The following CACHD1 variants were observed in gnomAD, a reference collection of about 807,000 sequenced individuals.
The protein encoded by CACHD1 is cache domain containing 1, also known as VWFA and cache domain-containing protein 1.
In CACHD1, 71 loss-of-function variants were observed where a neutral mutation model predicts 138.7. That is an observed-to-expected ratio of 0.51 (90% CI 0.42 to 0.62). The LOEUF (loss-of-function observed/expected upper bound fraction) is 0.62, where lower values mean the gene tolerates loss of function less well. Ranked by LOEUF, CACHD1 falls within the 20% of genes least tolerant of loss-of-function variation. The pLI, the probability that CACHD1 is intolerant of heterozygous loss-of-function variation, is 0.00. For synonymous variants in CACHD1, 578 were observed against 591.5 expected, an observed-to-expected ratio of 0.98 and a Z score of 0.33; for missense variants, 1,389 against 1,625.3, an observed-to-expected ratio of 0.85 and a Z score of 2.50.
intron 13 of CACHD1, among the ~76,000 whole-genome samples, chr1:64,659,218 T>C (rs538748019): frequency 6.6e-6 from 1 of 152,312 alleles, no homozygotes; most frequent in African/African-American, 2.4e-5. Context: ...GAGTGTAAAT[T>C]ACACCAATAG....
At chr1:64,603,106 T>C (rs918499919) in intron 4 of CACHD1, among the ~76,000 whole-genome samples, 194 bp downstream of exon 4, 1 of 141,840 alleles carries the variant, frequency 7.1e-6, no homozygotes, top group Non-Finnish European at 1.5e-5. Flanking sequence ...CATCTTTTTT[T>C]TTTTTTTTTT....
At position 64,622,135 on chromosome 1, in the gene CACHD1, G is replaced by A. The variant is rs1647934777; in HGVS notation, c.518-7220G>A. On this transcript the variant is annotated intron_variant, in intron 4 of 26. Transcript: ENST00000651257. ...CCTTATACTTGCTCAGGTTGACAGT[G>A]AAAAATAAAAGCCACCTAAGGCTCA... Among the ~76,000 whole-genome samples, 2 of 152,262 alleles carry A rather than the reference G, an allele frequency of 1.3e-5. 1 individual carries two copies.
intron 4 of CACHD1, among the ~76,000 whole-genome samples, chr1:64,616,433 C>G (rs965470431): frequency 6.6e-6 from 1 of 152,082 alleles, no homozygotes; most frequent in African/African-American, 2.4e-5. Flanking sequence ...AAGGTGAACC[C>G]TGGGCACTTG....
In CACHD1 at chr1:64,470,955, C is replaced by A. The variant is rs780167224; in HGVS notation, c.198+13C>A. 1.9e-6 allele frequency: 3 copies of A among 1,586,234 alleles called. No individual in the cohort carries two copies. The highest frequency in any genetic ancestry group is 2.3e-5 in the East Asian group (1 of 43,932). ...CGTCACCATGCAGGTAAGTGGCCCC[C>A]GAGCTGGCCAGACATCCCGCCTTTC... On this transcript the variant is annotated intron_variant, in intron 1 of 26. Transcript: ENST00000651257. This position sits in a 1 kb window ranked among gnomAD's most constrained non-coding sequence, Gnocchi z 5.2.
intron 2 of CACHD1, among the ~76,000 whole-genome samples, chr1:64,571,516 G>A (rs1420787215): frequency 6.6e-6 from 1 of 152,146 alleles, no homozygotes; most frequent in Non-Finnish European, 1.5e-5. Context: ...AGGTCATTGT[G>A]TCTCAAGATT....
intron 23 of CACHD1, among the ~76,000 whole-genome samples, chr1:64,679,165 T>G (rs1169347942): frequency 6.6e-6 from 1 of 152,196 alleles, no homozygotes; most frequent in Non-Finnish European, 1.5e-5. Context: ...AGGAAACCCA[T>G]AAGCTTCGAA....
chr1:64,659,309 T>C (rs1649367474), intron 13 of CACHD1, among the ~76,000 whole-genome samples: 1 of 151,844 alleles, frequency 6.6e-6, no homozygotes, highest in Non-Finnish European at 1.5e-5. Flanking sequence ...AGGTACAGAG[T>C]TTTCAGTAGC....
chr1:64,669,794 A>G (rs1157102293), intron 16 of CACHD1, among the ~76,000 whole-genome samples: 1 of 152,094 alleles, frequency 6.6e-6, no homozygotes, highest in Non-Finnish European at 1.5e-5. Flanking sequence ...TAGGCAATAT[A>G]CGTGCTGTTG....
At chr1:64,525,706 T>C (rs1429905872) in intron 1 of CACHD1, among the ~76,000 whole-genome samples, 1 of 152,198 alleles carries the variant, frequency 6.6e-6, no homozygotes, top group Admixed American at 6.5e-5. Flanking sequence ...TGGTTAGATT[T>C]CTCTATAGAC....
intron 1 of CACHD1, among the ~76,000 whole-genome samples, chr1:64,526,907 T>A (rs773142725): frequency 6.6e-6 from 1 of 152,164 alleles, no homozygotes; most frequent in Non-Finnish European, 1.5e-5. Flanking sequence ...TTTATTCCTC[T>A]AGGGAAAGGA....
chr1:64,644,735 C>G (rs531931687), intron 8 of CACHD1, among the ~76,000 whole-genome samples: 1 of 152,250 alleles, frequency 6.6e-6, no homozygotes, highest in South Asian at 2.1e-4. Context: ...ACACAATTAA[C>G]CTTACTTACA....
chr1:64,483,768 G>C (rs1646225048), intron 1 of CACHD1, among the ~76,000 whole-genome samples: 1 of 151,292 alleles, frequency 6.6e-6, no homozygotes, highest in South Asian at 2.1e-4. Flanking sequence ...CTCCCTAAAG[G>C]TTCTCATCTG....
intron 3 of CACHD1, among the ~76,000 whole-genome samples, chr1:64,583,857 A>T (rs1570390607): frequency 6.6e-6 from 1 of 151,970 alleles, no homozygotes; most frequent in South Asian, 2.1e-4. Context: ...GCACAGGAAA[A>T]CCCACCCACC....
chr1:64,628,368 G>A (rs376384158), intron 4 of CACHD1, among the ~76,000 whole-genome samples: 18 of 152,166 alleles, frequency 1.2e-4, no homozygotes, highest in East Asian at 9.6e-4. Context: ...TTTTGTGCTC[G>A]TCTTTGTATA....
chr1:64,504,801 G>A (rs1266954191), intron 1 of CACHD1, among the ~76,000 whole-genome samples: 3 of 152,066 alleles, frequency 2.0e-5, no homozygotes, highest in African/African-American at 7.2e-5. Flanking sequence ...GGACCTCCCT[G>A]CAACCCTTTT....
chr1:64,587,896 G>A (rs1173922398), intron 3 of CACHD1, among the ~76,000 whole-genome samples: 1 of 152,050 alleles, frequency 6.6e-6, no homozygotes, highest in Non-Finnish European at 1.5e-5. Flanking sequence ...TTTTAAATTT[G>A]TAAATTTTAA....
Position 64,470,525 on chromosome 1 carries a change from A to C in CACHD1, c.-220A>C, listed in dbSNP as rs1479908322. 2.0e-5 allele frequency among the ~76,000 whole-genome samples: 3 copies of C among 148,556 alleles called. No homozygotes were observed. The highest frequency in any genetic ancestry group is 3.0e-5 in the Non-Finnish European group (2 of 67,094). On this transcript the variant is annotated 5_prime_UTR_variant, in exon 1 of 27. Coordinates refer to ENST00000651257, the MANE Select transcript of CACHD1 (RefSeq NM_020925.4). The surrounding 1 kb of genome is among the most constrained non-coding windows in gnomAD (Gnocchi z 5.2). ...GGGACCGCTCGGGCGGCCGCCTCCT[A>C]CCCCCACCGCCGCGGAGCCCCGCGA...
At chr1:64,543,711 T>C (rs974313000) in intron 1 of CACHD1, among the ~76,000 whole-genome samples, 1 of 152,012 alleles carries the variant, frequency 6.6e-6, no homozygotes, top group African/African-American at 2.4e-5. Flanking sequence ...TTAAATAGTC[T>C]GGTAAAAATC....
chr1:64,491,364 A>G (rs1646273705), intron 1 of CACHD1, among the ~76,000 whole-genome samples: 1 of 152,118 alleles, frequency 6.6e-6, no homozygotes, highest in South Asian at 2.1e-4. Flanking sequence ...AACAAGTTTA[A>G]TTGACTCACA....
Sources: allele counts gnomAD v4.1 joint callset (sites outside exome capture counted in the v4.1 genomes callset), GRCh38; gene constraint gnomAD v4.1.1; non-coding constraint Gnocchi (gnomAD v3.1); transcripts MANE v1.5; gene names NCBI Gene and HGNC (gene_info 2026-07-23, HGNC 2026-07-21).